Variants in PTPRG observed in about 807,000 individuals in gnomAD.
PTPRG encodes protein tyrosine phosphatase receptor type G.
PTPRG carries 102 observed loss-of-function variants against 165.3 expected under a neutral mutation model. The observed-to-expected ratio is 0.62, with a 90% CI of 0.53 to 0.73. The LOEUF is 0.73. Among genes scored for constraint, PTPRG ranks in the 30% least tolerant of loss-of-function variants. The pLI, the probability that PTPRG is intolerant of heterozygous loss-of-function variation, is 0.00. For synonymous variants in PTPRG, 675 were observed against 669.5 expected, an observed-to-expected ratio of 1.01 and a Z score of -0.13; for missense variants, 1,866 against 1,861.4, an observed-to-expected ratio of 1.00 and a Z score of -0.05.
intron 1 of PTPRG, among the ~76,000 whole-genome samples, chr3:61,631,730 A>T (rs1376555244): frequency 6.6e-6 from 1 of 152,170 alleles, no homozygotes; most frequent in African/African-American, 2.4e-5. Context: ...TATTCTACTC[A>T]GTCATTGGGG....
At chr3:62,013,051 ATTATTTTATT>A (rs549467566) in intron 4 of PTPRG, among the ~76,000 whole-genome samples, 1 of 152,138 alleles carries the variant, frequency 6.6e-6, no homozygotes, top group Non-Finnish European at 1.5e-5. Context: ...AAAGGAAGAT[ATTATTTTATT>A]TTATTTTAAC....
intron 1 of PTPRG, among the ~76,000 whole-genome samples, chr3:61,610,269 G>A (rs149215065): frequency 1.3e-5 from 2 of 152,102 alleles, no homozygotes; most frequent in African/African-American, 2.4e-5. Context: ...TCTAAGTGCT[G>A]TGTGTTCACT....
chr3:62,159,508 G>A (rs1704665540), intron 7 of PTPRG, among the ~76,000 whole-genome samples: 1 of 152,050 alleles, frequency 6.6e-6, no homozygotes, highest in African/African-American at 2.4e-5. Context: ...AACAGTTTGG[G>A]GCTTGGATGT....
intron 5 of PTPRG, among the ~76,000 whole-genome samples, chr3:62,085,078 C>G (rs1701704123): frequency 6.6e-6 from 1 of 152,178 alleles, no homozygotes; most frequent in African/African-American, 2.4e-5. Context: ...TGTCTTGTTC[C>G]TCTTCTTTTT....
At chr3:62,059,047 T>C (rs920281535) in intron 4 of PTPRG, among the ~76,000 whole-genome samples, 2 of 152,188 alleles carry the variant, frequency 1.3e-5, no homozygotes, top group African/African-American at 4.8e-5. Context: ...TCCGGTCTGC[T>C]CTGAAGGGGC....
intron 2 of PTPRG, among the ~76,000 whole-genome samples, chr3:61,778,392 A>T (rs1370761731): frequency 6.6e-6 from 1 of 152,096 alleles, no homozygotes; most frequent in Non-Finnish European, 1.5e-5. Flanking sequence ...CTCCTATGCA[A>T]ACGTCTGATT....
chr3:61,666,063 A>T (rs2107046344), intron 1 of PTPRG, among the ~76,000 whole-genome samples: 1 of 152,206 alleles, frequency 6.6e-6, no homozygotes, highest in African/African-American at 2.4e-5. Flanking sequence ...TAGTAAATAA[A>T]GAACGATGTT....
At chr3:62,000,551 G>T (rs2041148740) in intron 3 of PTPRG, among the ~76,000 whole-genome samples, 1 of 152,120 alleles carries the variant, frequency 6.6e-6, no homozygotes, top group Non-Finnish European at 1.5e-5. Context: ...TTTAGGTTTT[G>T]AACATTTTCT....
intron 16 of PTPRG, 25 bp from the exon 17 acceptor site, chr3:62,262,773 A>G (rs767107178): frequency 6.4e-7 from 1 of 1,558,362 alleles, no homozygotes; most frequent in Non-Finnish European, 8.8e-7. Context: ...AACTGTGTCT[A>G]TAATCTTGCT....
At chr3:62,108,056 T>TTTA (rs993738709) in intron 5 of PTPRG, among the ~76,000 whole-genome samples, 4 of 152,110 alleles carry the variant, frequency 2.6e-5, no homozygotes, top group Admixed American at 1.3e-4. Context: ...CTTTTTTTTT[T>TTTA]TTATTATTAT....
intron 4 of PTPRG, among the ~76,000 whole-genome samples, chr3:62,050,272 C>G (rs1398298463): frequency 1.3e-5 from 2 of 152,122 alleles, no homozygotes; most frequent in Non-Finnish European, 2.9e-5. Context: ...TTTTACTGTA[C>G]CTGTTCTGTC....
At chr3:61,610,809 A>G (rs536331325) in intron 1 of PTPRG, among the ~76,000 whole-genome samples, 2 of 107,232 alleles carry the variant, frequency 1.9e-5, no homozygotes, top group Admixed American at 1.4e-4. Context: ...CTCTTTCTCT[A>G]TCTCTCTCTT....
At chr3:61,629,891 C>T (rs1320234) in intron 1 of PTPRG, among the ~76,000 whole-genome samples, 85,816 of 152,074 alleles carry the variant, frequency 0.56, 24,520 homozygotes, top group African/African-American at 0.66. Context: ...CTTTCAAGGG[C>T]CCTTCTGTCA....
rs1012013105 is a variant in PTPRG, at chr3:61,748,855, T to C, written c.86-23T>C. On this transcript the variant is annotated intron_variant, in intron 1 of 29. Coordinates refer to ENST00000474889, the MANE Select transcript of PTPRG (RefSeq NM_002841.4). ...CCAGTGGGGTGCTGCCTTTGTCTCA[T>C]TGTGGGTTTTCCTCTCTTCCAGCGT... 6 of 1,599,894 alleles carry C rather than the reference T, an allele frequency of 3.8e-6. No homozygotes were observed. In the African/African-American group the frequency reaches 4.0e-5, roughly 11 times the overall value.
chr3:61,642,869 G>A (rs953525880), intron 1 of PTPRG, among the ~76,000 whole-genome samples: 4 of 152,206 alleles, frequency 2.6e-5, no homozygotes, highest in South Asian at 2.1e-4. Context: ...ATGAGACATC[G>A]ACACTTGGTA....
At chr3:61,579,413 C>T (rs2366216) in intron 1 of PTPRG, among the ~76,000 whole-genome samples, 1 of 152,110 alleles carries the variant, frequency 6.6e-6, no homozygotes, top group East Asian at 1.9e-4. Flanking sequence ...TATTCCGACA[C>T]GTGTTTTTTA....
At chr3:61,596,731 T>G (rs892759015) in intron 1 of PTPRG, among the ~76,000 whole-genome samples, 1 of 152,102 alleles carries the variant, frequency 6.6e-6, no homozygotes, top group Non-Finnish European at 1.5e-5. Flanking sequence ...GAAAAGACAA[T>G]GAACAAAAAT....
At chr3:61,843,922 G>C (rs971150742) in intron 2 of PTPRG, among the ~76,000 whole-genome samples, 3 of 148,500 alleles carry the variant, frequency 2.0e-5, no homozygotes, top group Admixed American at 6.7e-5. Context: ...TATAGTTTAT[G>C]TTCATGTCAT....
At chr3:61,716,281 A>G (rs1358732300) in intron 1 of PTPRG, among the ~76,000 whole-genome samples, 1 of 152,110 alleles carries the variant, frequency 6.6e-6, no homozygotes, top group Non-Finnish European at 1.5e-5. Flanking sequence ...TATTTTTTTC[A>G]TGAATAATTT....
Sources: allele counts gnomAD v4.1 joint callset (sites outside exome capture counted in the v4.1 genomes callset), GRCh38; gene constraint gnomAD v4.1.1; transcripts MANE v1.5; gene names NCBI Gene and HGNC (gene_info 2026-07-23, HGNC 2026-07-21).